The following ODAD2 variants were observed in gnomAD, a reference collection of about 807,000 sequenced individuals.
ODAD2 encodes outer dynein arm-docking complex subunit 2.
A neutral mutation model predicts 106.8 loss-of-function variants in ODAD2; 89 were observed. That is an observed-to-expected ratio of 0.83 (90% CI 0.70 to 0.99). ODAD2 has a LOEUF of 0.99. ODAD2 is among the 50% of genes least tolerant of loss of function. The probability of loss-of-function intolerance (pLI) is 0.00; values close to 1 mark genes in which losing one functional copy is unlikely to be tolerated. For missense variants in ODAD2, 1,168 were observed against 1,238.5 expected (o/e 0.94, Z 0.85); for synonymous variants, 404 against 436.2 (o/e 0.93, Z 0.92).
intron 16 of ODAD2, among the ~76,000 whole-genome samples, chr10:27,913,265 G>A (rs950931009): frequency 2.0e-5 from 3 of 151,812 alleles, no homozygotes; most frequent in Non-Finnish European, 4.4e-5. Context: ...GTAGTTTTTC[G>A]ATCCTCACCC....
intron 10 of ODAD2, among the ~76,000 whole-genome samples, chr10:27,947,741 GA>G (rs1388593144): frequency 6.6e-6 from 1 of 152,114 alleles, no homozygotes. Flanking sequence ...ACTTCAGTAT[GA>G]CTAGAAAGTG....
chr10:27,902,095 TAACA>T (rs762654939), intron 17 of ODAD2, among the ~76,000 whole-genome samples: 19 of 152,098 alleles, frequency 1.2e-4, no homozygotes, highest in Non-Finnish European at 1.8e-4. Context: ...ACAGAAATGA[TAACA>T]AACAGTCTCT....
chr10:27,858,794 C>T (rs542755130), intron 19 of ODAD2, among the ~76,000 whole-genome samples: 37 of 140,770 alleles, frequency 2.6e-4, no homozygotes, highest in Admixed American at 1.3e-3. Context: ...TACATGTACA[C>T]CTTAGTACAT....
chr10:27,831,528 A>T (rs1837477711), intron 19 of ODAD2, among the ~76,000 whole-genome samples: 1 of 152,216 alleles, frequency 6.6e-6, no homozygotes, highest in Non-Finnish European at 1.5e-5. Flanking sequence ...TTAACGTTCC[A>T]ATGTAGAGAT....
At chr10:27,842,591 A>C (rs74511112) in intron 19 of ODAD2, among the ~76,000 whole-genome samples, 1,752 of 152,322 alleles carry the variant, frequency 0.012, 31 homozygotes, top group African/African-American at 0.039. Flanking sequence ...ATTCAAAAAC[A>C]TATAAATGTC....
intron 6 of ODAD2, among the ~76,000 whole-genome samples, chr10:27,982,167 T>C (rs1295420370): frequency 6.6e-6 from 1 of 151,926 alleles, no homozygotes; most frequent in Admixed American, 6.6e-5. Flanking sequence ...TAACAGAATA[T>C]ATATATATAA....
Position 27,896,505 on chromosome 10 carries a change from T to C in ODAD2, c.2610+11158A>G, listed in dbSNP as rs541158955. On this transcript the variant is annotated intron_variant, in intron 17 of 19. Transcript: ENST00000305242. ...AGAGATAGATAAGCAGGCCATGCGT[T>C]TGTTGCCTGGATAAAATAAGGAGGT... Among the ~76,000 whole-genome samples the C allele has an allele frequency of 2.0e-5, 3 of 152,304 alleles. No homozygotes were observed. The South Asian group carries it at 6.2e-4, about 32-fold the overall frequency.
chr10:27,972,806 T>C (rs1848942545), intron 7 of ODAD2, among the ~76,000 whole-genome samples: 1 of 152,056 alleles, frequency 6.6e-6, no homozygotes, highest in Non-Finnish European at 1.5e-5. Context: ...AAATCCATAA[T>C]TGGTAGACTT....
chr10:27,823,009 G>T (rs938757326), intron 19 of ODAD2, among the ~76,000 whole-genome samples: 7 of 152,160 alleles, frequency 4.6e-5, no homozygotes, highest in Admixed American at 6.5e-5. Flanking sequence ...ATATATAATA[G>T]AGAGAGCCCT....
chr10:27,955,878 C>G (rs753001008), intron 10 of ODAD2, among the ~76,000 whole-genome samples: 1 of 152,026 alleles, frequency 6.6e-6, no homozygotes, highest in Non-Finnish European at 1.5e-5. Flanking sequence ...CAGGGAGGAG[C>G]TCTGGGAGTC....
chr10:27,934,345 G>T (rs912860466), intron 16 of ODAD2, among the ~76,000 whole-genome samples: 6 of 151,252 alleles, frequency 4.0e-5, no homozygotes, highest in African/African-American at 1.5e-4. Context: ...AGTCACCCAG[G>T]TTCCTCCTTT....
chr10:27,876,604 T>G (rs1017147638), intron 17 of ODAD2, among the ~76,000 whole-genome samples: 1 of 152,326 alleles, frequency 6.6e-6, no homozygotes, highest in South Asian at 2.1e-4. Context: ...TAGCAGCCAA[T>G]TATTTGCTTA....
chr10:27,848,368 T>C (rs1838959204), intron 19 of ODAD2, among the ~76,000 whole-genome samples: 2 of 152,190 alleles, frequency 1.3e-5, no homozygotes, highest in Non-Finnish European at 2.9e-5. Context: ...TGGCTAGCCA[T>C]ATGTAGGAAG....
At chr10:27,829,312 A>C (rs370933762) in intron 19 of ODAD2, among the ~76,000 whole-genome samples, 1 of 152,342 alleles carries the variant, frequency 6.6e-6, no homozygotes, top group African/African-American at 2.4e-5. Context: ...ATGAAAATAA[A>C]TGACTAATTT....
chr10:27,872,090 C>T (rs1414269173), intron 17 of ODAD2, among the ~76,000 whole-genome samples: 2 of 151,832 alleles, frequency 1.3e-5, no homozygotes, highest in Non-Finnish European at 2.9e-5. Flanking sequence ...TAAGTTGGAT[C>T]CCTAGGTATT....
At chr10:27,977,041 G>GA (rs1203526581) in intron 7 of ODAD2, among the ~76,000 whole-genome samples, 1 of 151,510 alleles carries the variant, frequency 6.6e-6, no homozygotes, top group East Asian at 1.9e-4. Context: ...ATAAGCAAAA[G>GA]AAAAAAATGA....
chr10:27,952,485 C>T (rs925407388), intron 10 of ODAD2, among the ~76,000 whole-genome samples: 3 of 151,874 alleles, frequency 2.0e-5, no homozygotes, highest in Admixed American at 2.0e-4. Flanking sequence ...TTTGCTGCAC[C>T]TATCAACCCA....
intron 10 of ODAD2, among the ~76,000 whole-genome samples, chr10:27,955,943 C>T (rs879283751): frequency 2.0e-5 from 3 of 152,018 alleles, no homozygotes; most frequent in Non-Finnish European, 4.4e-5. Context: ...TTTTAGATGT[C>T]ACTCTGGATT....
intron 10 of ODAD2, among the ~76,000 whole-genome samples, chr10:27,954,938 T>C (rs2132752724): frequency 6.6e-6 from 1 of 152,342 alleles, no homozygotes; most frequent in Middle Eastern, 3.4e-3. Context: ...AAATGCAGAT[T>C]CTGAGTAGGC....
Sources: allele counts gnomAD v4.1 joint callset (sites outside exome capture counted in the v4.1 genomes callset), GRCh38; gene constraint gnomAD v4.1.1; transcripts MANE v1.5; gene names NCBI Gene and HGNC (gene_info 2026-07-23, HGNC 2026-07-21).